CHRM3: variants seen among roughly 807,000 people sequenced by gnomAD.
The protein encoded by CHRM3 is cholinergic receptor muscarinic 3.
CHRM3 carries 11 observed loss-of-function variants against 41.8 expected under a neutral mutation model. That is an observed-to-expected ratio of 0.26 (90% CI 0.17 to 0.44). The LOEUF (loss-of-function observed/expected upper bound fraction) is 0.44. Ranked by LOEUF, CHRM3 falls within the 20% of genes least tolerant of loss-of-function variation. CHRM3 has a pLI of 1.00. For synonymous variants in CHRM3, 297 were observed against 301.4 expected, an observed-to-expected ratio of 0.99 and a Z score of 0.15; for missense variants, 571 against 745.4, an observed-to-expected ratio of 0.77 and a Z score of 2.72.
At chr1:239,500,886 CCTAACACATAAGGA>C (rs1000520956) in intron 2 of CHRM3, among the ~76,000 whole-genome samples, 77 of 152,260 alleles carry the variant, frequency 5.1e-4, no homozygotes, top group African/African-American at 1.8e-3. Context: ...AGGAGATTCA[CCTAACACATAAGGA>C]CTAACAGAAA....
At chr1:239,891,696 G>A (rs1678564017) in intron 6 of CHRM3, among the ~76,000 whole-genome samples, 1 of 152,192 alleles carries the variant, frequency 6.6e-6, no homozygotes, top group Non-Finnish European at 1.5e-5. Flanking sequence ...TGACCCGAAG[G>A]TTGAGTTTCC....
chr1:239,683,541 T>A (rs3936418), intron 5 of CHRM3, among the ~76,000 whole-genome samples: 9,754 of 152,264 alleles, frequency 0.064, 377 homozygotes, highest in African/African-American at 0.091. Flanking sequence ...TTTAAAGTCT[T>A]TTTTACTTTT....
At chr1:239,463,960 T>A (rs1259103125) in intron 1 of CHRM3, among the ~76,000 whole-genome samples, 1 of 152,108 alleles carries the variant, frequency 6.6e-6, no homozygotes, top group Non-Finnish European at 1.5e-5. Flanking sequence ...AAATATTACT[T>A]CCACAGTGAC....
chr1:239,811,113 A>G lies in CHRM3; in HGVS notation c.-146-16139A>G, dbSNP rs533712440. Among the ~76,000 whole-genome samples, 17 of 152,320 alleles carry G rather than the reference A, an allele frequency of 1.1e-4. No individual in the cohort carries two copies. In the South Asian group the frequency reaches 2.9e-3, roughly 26 times the overall value. On this transcript the variant is annotated intron_variant, in intron 5 of 6. Transcript: ENST00000676153. ...TTATGAATTTGAACTGTTTTGTTTT[A>G]TTGATAGAAGCCGTCCTGACTCAAA...
intron 3 of CHRM3, among the ~76,000 whole-genome samples, chr1:239,561,319 G>T (rs988514072): frequency 6.6e-6 from 1 of 152,090 alleles, no homozygotes; most frequent in Admixed American, 6.5e-5. Flanking sequence ...GGCTTGCGGA[G>T]CCCTGTATGG....
At chr1:239,697,147 G>C (rs1660269940) in intron 5 of CHRM3, among the ~76,000 whole-genome samples, 1 of 152,166 alleles carries the variant, frequency 6.6e-6, no homozygotes, top group African/African-American at 2.4e-5. Flanking sequence ...TGGTTTGGCT[G>C]TGTCCCCACC....
intron 5 of CHRM3, among the ~76,000 whole-genome samples, chr1:239,764,780 A>G (rs1440123610): frequency 6.6e-6 from 1 of 152,228 alleles, no homozygotes; most frequent in African/African-American, 2.4e-5. Context: ...ACGTCTCATG[A>G]GATTTATCTC....
intron 5 of CHRM3, among the ~76,000 whole-genome samples, chr1:239,728,331 C>A (rs566447288): frequency 6.6e-6 from 1 of 152,022 alleles, no homozygotes; most frequent in South Asian, 2.1e-4. Flanking sequence ...GCAAAAATAC[C>A]TGCTTTGTAT....
chr1:239,781,363 C>A (rs2148802573), intron 5 of CHRM3, among the ~76,000 whole-genome samples: 1 of 152,266 alleles, frequency 6.6e-6, no homozygotes, highest in East Asian at 1.9e-4. Context: ...GGGAAATTAA[C>A]ATTAATATGT....
chr1:239,396,516 G>A (rs1659493254), intron 1 of CHRM3, among the ~76,000 whole-genome samples: 1 of 152,066 alleles, frequency 6.6e-6, no homozygotes. Context: ...GGGAGGCTGA[G>A]GCAAGGAGGA....
chr1:239,474,407 G>A (rs946782676), intron 1 of CHRM3, among the ~76,000 whole-genome samples: 1 of 152,014 alleles, frequency 6.6e-6, no homozygotes, highest in South Asian at 2.1e-4. Context: ...GTATCAGCAT[G>A]TACTATAGTA....
intron 5 of CHRM3, among the ~76,000 whole-genome samples, chr1:239,765,836 G>C (rs1039795949): frequency 7.0e-6 from 1 of 142,138 alleles, no homozygotes; most frequent in Admixed American, 6.9e-5. Context: ...TTTTTTTTGA[G>C]ATGGAGTTTC....
intron 1 of CHRM3, among the ~76,000 whole-genome samples, chr1:239,416,363 A>G (rs1661502573): frequency 1.3e-5 from 2 of 152,126 alleles, no homozygotes; most frequent in Non-Finnish European, 2.9e-5. Context: ...CTACAGAACA[A>G]TAATACTACT....
intron 6 of CHRM3, among the ~76,000 whole-genome samples, chr1:239,869,911 G>A (rs1676434591): frequency 6.6e-6 from 1 of 152,138 alleles, no homozygotes; most frequent in Non-Finnish European, 1.5e-5. Flanking sequence ...AATCTACAAA[G>A]GGAGTGATCA....
chr1:239,900,148 A>T (rs1266311206), intron 6 of CHRM3, among the ~76,000 whole-genome samples: 1 of 152,174 alleles, frequency 6.6e-6, no homozygotes, highest in African/African-American at 2.4e-5. Flanking sequence ...AATGCTATGG[A>T]ATAGCTGTTG....
At chr1:239,469,791 A>AG (rs1665990436) in intron 1 of CHRM3, among the ~76,000 whole-genome samples, 1 of 152,102 alleles carries the variant, frequency 6.6e-6, no homozygotes, top group African/African-American at 2.4e-5. Flanking sequence ...TCCTGACCTC[A>AG]GGTGATTCGC....
intron 5 of CHRM3, among the ~76,000 whole-genome samples, chr1:239,825,111 C>T (rs1274075127): frequency 6.6e-6 from 1 of 152,226 alleles, no homozygotes; most frequent in African/African-American, 2.4e-5. Flanking sequence ...ATGGGACATA[C>T]AGTCCAGCGG....
At chr1:239,751,505 T>C (rs1398737822) in intron 5 of CHRM3, among the ~76,000 whole-genome samples, 2 of 152,204 alleles carry the variant, frequency 1.3e-5, no homozygotes, top group African/African-American at 4.8e-5. Context: ...CTTATACTGA[T>C]AAGAACAAAT....
At chr1:239,569,173 C>T (rs1235793158) in intron 3 of CHRM3, among the ~76,000 whole-genome samples, 1 of 152,124 alleles carries the variant, frequency 6.6e-6, no homozygotes, top group Non-Finnish European at 1.5e-5. Flanking sequence ...CCCATGTTAG[C>T]TATATGACAA....
Sources: gnomAD v4.1 joint callset for allele counts (sites outside exome capture counted in the v4.1 genomes callset) on GRCh38, gnomAD v4.1.1 for gene constraint, MANE v1.5 for transcripts, NCBI Gene and HGNC (gene_info 2026-07-23, HGNC 2026-07-21) for gene names.